The following NHLRC3 variants were observed in gnomAD, a reference collection of about 807,000 sequenced individuals.
NHLRC3 encodes the protein NHL repeat containing 3, also known as NHL repeat-containing protein 3.
A neutral mutation model predicts 32.0 loss-of-function variants in NHLRC3; 23 were observed. The ratio of observed to expected loss-of-function variants is 0.72; its 90% CI spans 0.52 to 1.02. The LOEUF is 1.02. NHLRC3 is among the 50% of genes least tolerant of loss of function. NHLRC3 has a pLI of 0.00. For synonymous variants in NHLRC3, 159 were observed against 147.9 expected, an observed-to-expected ratio of 1.08 and a Z score of -0.55; for missense variants, 407 against 406.8, an observed-to-expected ratio of 1.00 and a Z score of -0.01.
At position 39,038,607 on chromosome 13, in the gene NHLRC3, C is replaced by A; in HGVS notation, c.-33C>A. ...TGTCAGGTCCTCCCCCAGACACCTG[C>A]GGACCCTCCCTCTCCTGGCTTCCCG... is the stretch of plus-strand genomic sequence containing the variant. On this transcript the variant is annotated 5_prime_UTR_variant, in exon 1 of 7. Transcript: ENST00000379600. 1 of 1,588,250 alleles carries A rather than the reference C, an allele frequency of 6.3e-7. No individual in the cohort carries two copies. The highest frequency in any genetic ancestry group is 8.6e-7 in the Non-Finnish European group (1 of 1,156,324).
At chr13:39,039,026 C>A in intron 1 of NHLRC3, 110 bp from the exon 2 acceptor site, 1 of 867,536 alleles carries the variant, frequency 1.2e-6, no homozygotes, top group Non-Finnish European at 1.8e-6. Context: ...CAGCAAACTT[C>A]TAGTTGTCAA....
At chr13:39,042,428 C>A in intron 4 of NHLRC3, 123 bp downstream of exon 4, 2 of 593,608 alleles carry the variant, frequency 3.4e-6, no homozygotes, top group Non-Finnish European at 5.7e-6. Flanking sequence ...TGTATTACTA[C>A]GAGAAAACTG....
In NHLRC3 at chr13:39,044,082, G is replaced by A. The variant is rs370064751; in HGVS notation, c.587-8G>A. 3.7e-5 allele frequency: 59 copies of A among 1,599,822 alleles called. No homozygotes were observed. The highest frequency in any genetic ancestry group is 1.2e-4 in the Admixed American group (7 of 59,972). ...GTTGCTCTGACTATATATTTTTACC[G>A]TTTATAGATTTCATGATCCTTTGGC... is the stretch of plus-strand genomic sequence containing the variant. On this transcript the variant is annotated splice_region_variant and splice_polypyrimidine_tract_variant and intron_variant, in intron 4 of 6. Coordinates refer to ENST00000379600, the MANE Select transcript of NHLRC3 (RefSeq NM_001012754.4).
rs566693779 is a variant in NHLRC3, at chr13:39,042,060, T to C, written c.386-45T>C. On this transcript the variant is annotated intron_variant, in intron 3 of 6. Transcript: ENST00000379600. ...AGCTTACTTGAAAAATCTGAATGTT[T>C]GTATAGTGGTTTTATTTGTGAGATG... 1.3e-5 allele frequency: 15 copies of C among 1,155,094 alleles called. No homozygotes were observed. In the East Asian group the frequency reaches 3.5e-4, roughly 27 times the overall value. 71.6% of individuals were successfully genotyped at this position (1,155,094 alleles called of 1,614,324 possible). A position where few individuals can be genotyped will look rare whatever the true frequency, so the allele number is the denominator to read the frequency against.
chr13:39,040,401 TTG>T (rs1871423442), intron 3 of NHLRC3: 1 of 152,232 alleles, frequency 6.6e-6, no homozygotes, highest in Admixed American at 6.5e-5. Context: ...TCATAAAAGA[TTG>T]TGAAATCGTA....
chr13:39,040,312 A>T (rs1871420029), intron 3 of NHLRC3: 1 of 152,192 alleles, frequency 6.6e-6, no homozygotes, highest in Admixed American at 6.5e-5. Flanking sequence ...ATAACTCTAA[A>T]CTGAAGCCAA....
At position 39,039,209 on chromosome 13, in the gene NHLRC3, C is replaced by T. The variant is rs553453864; in HGVS notation, c.158C>T (p.Pro53Leu). The change falls in exon 2 of 7, where the codon CCT becomes CTT. Residue 53 changes from proline to leucine, a missense_variant. Transcript: ENST00000379600. ...CTTTACCGGCTGGATGTGGGTTGGC[C>T]TAAGCACCCAGAATATTTTACCGGA... ...KILYRLDVGW[P>L]KHPEYFTGTT... 8 of 1,613,900 alleles carry T rather than the reference C, an allele frequency of 5.0e-6. No individual in the cohort carries two copies. In the South Asian group the frequency reaches 8.8e-5, roughly 18 times the overall value.
At chr13:39,041,149 T>C (rs536510279) in intron 3 of NHLRC3, 1 of 152,270 alleles carries the variant, frequency 6.6e-6, no homozygotes, top group African/African-American at 2.4e-5. Flanking sequence ...ATATTCCCAT[T>C]TCCCAAAGGA....
intron 3 of NHLRC3, chr13:39,039,939 GC>G: frequency 7.7e-6 from 2 of 260,074 alleles, no homozygotes; most frequent in Non-Finnish European, 1.5e-5. Context: ...ACTTTGGGAG[GC>G]CGAGGCGGGC....
chr13:39,042,692 A>G (rs1871511281), intron 4 of NHLRC3, among the ~76,000 whole-genome samples: 1 of 152,214 alleles, frequency 6.6e-6, no homozygotes, highest in African/African-American at 2.4e-5. Flanking sequence ...TGTCCTCTCT[A>G]GTATCAGGAG....
In NHLRC3 at chr13:39,049,931, T is replaced by C. The variant is rs1047862161; in HGVS notation, c.*2005T>C. On this transcript the variant is annotated 3_prime_UTR_variant, in exon 7 of 7. Transcript: ENST00000379600. ...CTGCAAATATTTCTGAATGTCTTTG[T>C]AAAAGTGTTTGTTAGTGTACCTGTG... 5 of 152,254 alleles carry C rather than the reference T, an allele frequency of 3.3e-5. No individual in the cohort carries two copies. The highest frequency in any genetic ancestry group is 7.3e-5 in the Non-Finnish European group (5 of 68,034). The allele number at this position is 152,254 out of a possible 1,614,324, so 9.4% of individuals were successfully genotyped here. A position where few individuals can be genotyped will look rare whatever the true frequency, so the allele number is the denominator to read the frequency against.
chr13:39,046,903 G>A, intron 5 of NHLRC3, 137 bp from the exon 6 acceptor site: 1 of 669,572 alleles, frequency 1.5e-6, no homozygotes, highest in South Asian at 1.7e-5. Flanking sequence ...TTCCTCATCT[G>A]AAAATGGGAC....
intron 1 of NHLRC3, 41 bp downstream of exon 1, chr13:39,038,764 T>C (rs370654406): frequency 1.9e-6 from 3 of 1,538,476 alleles, no homozygotes; most frequent in African/African-American, 2.7e-5. Context: ...GGTGTGCGGG[T>C]AGCCCTGTTG....
At chr13:39,044,518 G>A (rs1871593191) in intron 5 of NHLRC3, 1 of 226,122 alleles carries the variant, frequency 4.4e-6, no homozygotes, top group South Asian at 1.8e-4. Flanking sequence ...GAAAGAAAAA[G>A]TTGCCCTCTT....
chr13:39,039,789 A>G, intron 3 of NHLRC3, 78 bp downstream of exon 3: 3 of 1,035,798 alleles, frequency 2.9e-6, no homozygotes, highest in Non-Finnish European at 4.2e-6. Context: ...ATTGTTTAAA[A>G]TCAGAGTTGC....
At chr13:39,041,695 G>A (rs1871472115) in intron 3 of NHLRC3, 1 of 180,220 alleles carries the variant, frequency 5.5e-6, no homozygotes, top group Admixed American at 5.5e-5. Flanking sequence ...AGGTCTGTAT[G>A]TGAGTGATTG....
intron 4 of NHLRC3, among the ~76,000 whole-genome samples, chr13:39,043,622 A>G (rs576463453): frequency 6.6e-6 from 1 of 152,304 alleles, no homozygotes; most frequent in African/African-American, 2.4e-5. Context: ...ACTATTTCCA[A>G]ATAGCATCAC....
rs377695483 is a variant in NHLRC3 at position 39,047,689 on chromosome 13, G to T, written c.807G>T (p.Gly269=). 9.9e-6 allele frequency: 16 copies of T among 1,613,114 alleles called. No homozygotes were observed. Among genetic ancestry groups the T allele is most frequent in the Non-Finnish European group, 1.4e-5 (16 of 1,179,398 alleles). The part of the protein sequence containing the change: ...GPSSVRFTPD[G]KYLIVAQLNL... ...TTCTCCTTAGGTTTACTCCTGATGG[G>T]AAGTACTTGATTGTGGCCCAGCTGA... The change falls in exon 7 of 7, where the codon GGG becomes GGT. Residue 269 remains glycine, a synonymous_variant. Coordinates refer to ENST00000379600, the MANE Select transcript of NHLRC3 (RefSeq NM_001012754.4).
intron 1 of NHLRC3, 58 bp from the exon 2 acceptor site, chr13:39,039,078 C>CAT: frequency 3.6e-5 from 37 of 1,037,984 alleles, no homozygotes; most frequent in East Asian, 7.8e-5. Flanking sequence ...CCCCCCCGCC[C>CAT]TTTTTTTGTT....
Sources: allele counts gnomAD v4.1 joint callset (sites outside exome capture counted in the v4.1 genomes callset), GRCh38; gene constraint gnomAD v4.1.1; transcripts MANE v1.5; gene names NCBI Gene and HGNC (gene_info 2026-07-23, HGNC 2026-07-21).